Variants in GLRA3 observed in about 807,000 individuals in gnomAD.
GLRA3 encodes the protein glycine receptor alpha 3.
GLRA3 carries 44 observed loss-of-function variants against 60.4 expected under a neutral mutation model. The observed-to-expected ratio is 0.73, with a 90% CI of 0.57 to 0.94. The LOEUF is 0.94. Ranked by LOEUF, GLRA3 falls within the 40% of genes least tolerant of loss-of-function variation. The probability of loss-of-function intolerance (pLI) is 0.00; values close to 1 mark genes in which losing one functional copy is unlikely to be tolerated. For synonymous variants in GLRA3, 223 were observed against 192.9 expected, an observed-to-expected ratio of 1.16 and a Z score of -1.29; for missense variants, 508 against 564.6, an observed-to-expected ratio of 0.90 and a Z score of 1.02.
chr4:174,688,317 TCATATATATATATATATATATATATATA>T (rs1258553809), intron 5 of GLRA3, among the ~76,000 whole-genome samples: 3 of 71,344 alleles, frequency 4.2e-5, no homozygotes, highest in African/African-American at 1.0e-4. Context: ...TTACCTGACA[TCATATATATATATATATATATATATATA>T]TATATATATA....
intron 5 of GLRA3, among the ~76,000 whole-genome samples, chr4:174,710,066 C>T (rs1402152849): frequency 6.6e-6 from 1 of 150,886 alleles, no homozygotes; most frequent in Non-Finnish European, 1.5e-5. Context: ...GTTAAAATAT[C>T]ACAAAGAGTT....
At chr4:174,721,217 C>G (rs148951081) in intron 4 of GLRA3, among the ~76,000 whole-genome samples, 1 of 151,930 alleles carries the variant, frequency 6.6e-6, no homozygotes, top group Non-Finnish European at 1.5e-5. Context: ...TTAGTAGAGA[C>G]GGGGTTTCAC....
intron 1 of GLRA3, among the ~76,000 whole-genome samples, chr4:174,816,325 G>A (rs1740499040): frequency 6.6e-6 from 1 of 152,128 alleles, no homozygotes; most frequent in East Asian, 1.9e-4. Flanking sequence ...TACCCCAACT[G>A]GATGAAACGT....
At chr4:174,699,738 CT>C (rs1294964882) in intron 5 of GLRA3, among the ~76,000 whole-genome samples, 2 of 151,066 alleles carry the variant, frequency 1.3e-5, no homozygotes, top group Admixed American at 6.6e-5. Context: ...CAAATTTGTA[CT>C]GTTTAAATTA....
chr4:174,811,164 G>T (rs1439897560), intron 1 of GLRA3, among the ~76,000 whole-genome samples: 1 of 142,574 alleles, frequency 7.0e-6, no homozygotes, highest in African/African-American at 2.6e-5. Context: ...CAGACAGCAT[G>T]CACAAGGTAC....
chr4:174,672,445 G>T (rs1026207243), intron 7 of GLRA3, among the ~76,000 whole-genome samples: 1 of 151,950 alleles, frequency 6.6e-6, no homozygotes, highest in Non-Finnish European at 1.5e-5. Context: ...ATTGACTTTC[G>T]GTTTGGCCAT....
intron 9 of GLRA3, among the ~76,000 whole-genome samples, chr4:174,652,574 A>G (rs1410634630): frequency 7.6e-6 from 1 of 130,844 alleles, no homozygotes; most frequent in Non-Finnish European, 1.7e-5. Flanking sequence ...TGTAAATTTA[A>G]AACTGACAAA....
chr4:174,690,434 T>C lies in GLRA3; in HGVS notation c.575-7495A>G, dbSNP rs892866126. Among the ~76,000 whole-genome samples the C allele has an allele frequency of 7.9e-5, 12 of 152,324 alleles. No homozygotes were observed. In the East Asian group the frequency reaches 1.4e-3, roughly 17 times the overall value. ...TCAAAACAGAGTCCAAAATCAGACC[T>C]ATGTGTGGAAATTTAAGGTAAAAAT... On this transcript the variant is annotated intron_variant, in intron 5 of 9. Transcript: ENST00000274093.
At chr4:174,795,022 T>C (rs1039072597) in intron 1 of GLRA3, among the ~76,000 whole-genome samples, 3 of 150,822 alleles carry the variant, frequency 2.0e-5, no homozygotes, top group African/African-American at 7.3e-5. Context: ...AAGTTAGAAA[T>C]AAATAAATAA....
rs73868091 is a variant in GLRA3, at chr4:174,801,422, A to G, written c.72-12479T>C. ...TACAGACTATTGGGTCCAACTGCCT[A>G]CTTGTCATCTCCACTTGGATATCTG... On this transcript the variant is annotated intron_variant, in intron 1 of 9. Transcript: ENST00000274093. 1.0e-2 allele frequency among the ~76,000 whole-genome samples: 1,517 copies of G among 152,202 alleles called. 31 individuals carry two copies. Among genetic ancestry groups the G allele is most frequent in the African/African-American group, 0.034 (1,428 of 41,560 alleles).
chr4:174,662,195 C>T (rs1369881602), intron 7 of GLRA3, among the ~76,000 whole-genome samples: 1 of 151,930 alleles, frequency 6.6e-6, no homozygotes, highest in Non-Finnish European at 1.5e-5. Flanking sequence ...TGAGATAATT[C>T]ATTTTGTTTC....
intron 2 of GLRA3, among the ~76,000 whole-genome samples, chr4:174,770,984 A>G (rs2111247729): frequency 6.6e-6 from 1 of 151,268 alleles, no homozygotes; most frequent in Non-Finnish European, 1.5e-5. Context: ...TCGCAAGGAC[A>G]AAAAACCAAA....
chr4:174,688,246 C>G (rs2110995790), intron 5 of GLRA3, among the ~76,000 whole-genome samples: 1 of 146,642 alleles, frequency 6.8e-6, no homozygotes, highest in South Asian at 2.1e-4. Context: ...TAATAAAACA[C>G]CTTTCCTCCA....
chr4:174,678,729 T>C (rs775764338), intron 6 of GLRA3, among the ~76,000 whole-genome samples: 1 of 152,226 alleles, frequency 6.6e-6, no homozygotes, highest in African/African-American at 2.4e-5. Context: ...ATTTATCAAA[T>C]ATATACAAAA....
intron 1 of GLRA3, among the ~76,000 whole-genome samples, chr4:174,791,859 T>A (rs553376620): frequency 6.6e-6 from 1 of 152,354 alleles, no homozygotes; most frequent in East Asian, 1.9e-4. Context: ...TTGGTGTTGT[T>A]GCTCTTTTTT....
At chr4:174,657,415 G>A (rs1171742382) in intron 8 of GLRA3, among the ~76,000 whole-genome samples, 1 of 151,982 alleles carries the variant, frequency 6.6e-6, no homozygotes, top group Non-Finnish European at 1.5e-5. Flanking sequence ...AATTGTATAA[G>A]GAGAAGGAAA....
chr4:174,822,275 A>G (rs998005714), intron 1 of GLRA3, among the ~76,000 whole-genome samples: 7 of 152,206 alleles, frequency 4.6e-5, no homozygotes, highest in Non-Finnish European at 1.0e-4. Context: ...CTCTGAAACT[A>G]GAGAATCCAA....
Position 174,766,522 on chromosome 4 carries a change from A to C in GLRA3, c.267+441T>G, listed in dbSNP as rs150310666. ...TTTTCAAATACAGTTGATAAAATCT[A>C]TAAGTATAATGTTTTGGCAAATACC... On this transcript the variant is annotated intron_variant, in intron 3 of 9. Transcript: ENST00000274093. Among the ~76,000 whole-genome samples the C allele has an allele frequency of 2.2e-3, 331 of 152,248 alleles. 1 individual carries two copies. The highest frequency in any genetic ancestry group is 7.5e-3 in the African/African-American group (311 of 41,578).
At chr4:174,745,980 A>C (rs1199717675) in intron 3 of GLRA3, among the ~76,000 whole-genome samples, 1 of 152,140 alleles carries the variant, frequency 6.6e-6, no homozygotes, top group East Asian at 1.9e-4. Flanking sequence ...GGCTATTATT[A>C]ATAAGAAAAA....
Sources: allele counts gnomAD v4.1 joint callset (sites outside exome capture counted in the v4.1 genomes callset), GRCh38; gene constraint gnomAD v4.1.1; transcripts MANE v1.5; gene names NCBI Gene and HGNC (gene_info 2026-07-23, HGNC 2026-07-21).